YEATS4: variants seen among roughly 807,000 people sequenced by gnomAD.
YEATS4 encodes YEATS domain-containing protein 4.
A neutral mutation model predicts 30.1 loss-of-function variants in YEATS4; 17 were observed. The observed-to-expected ratio is 0.56, with a 90% confidence interval of 0.39 to 0.85. The LOEUF is 0.85. YEATS4 is among the 40% of genes least tolerant of loss of function. YEATS4 has a pLI of 0.00. For missense variants in YEATS4, 142 were observed against 268.3 expected (o/e 0.53, Z 3.29); for synonymous variants, 85 against 87.5 (o/e 0.97, Z 0.16).
Position 69,390,163 on chromosome 12 carries a change from G to GA in YEATS4, c.535dup (p.Thr179AsnfsTer9). Reference sequence around the variant, plus strand: ...TTTCTTTAGTTGCAGAGCTTGAAGTGAAAACCAGAGAAAAATTAGAAGCTG... The same window carrying GA: ...TTTCTTTAGTTGCAGAGCTTGAAGTGAAAAACCAGAGAAAAATTAGAAGCTG... On this transcript the variant is annotated frameshift_variant, in exon 7 of 7. Transcript: ENST00000247843. LOFTEE classifies it high-confidence loss of function. 6.3e-7 allele frequency: 1 copy of GA among 1,584,184 alleles called. No individual in the cohort carries two copies. The highest frequency in any genetic ancestry group is 8.5e-7 in the Non-Finnish European group (1 of 1,172,614).
At chr12:69,413,931 CTT>C in the YEATS4 span, among the ~76,000 whole-genome samples, 1 of 152,018 alleles carries the variant, frequency 6.6e-6, no homozygotes, top group East Asian at 1.9e-4. Flanking sequence ...AAGTCTCCTG[CTT>C]ACATTTCCAT....
chr12:69,369,455 T>C (rs1875561776), intron 4 of YEATS4, among the ~76,000 whole-genome samples: 1 of 152,206 alleles, frequency 6.6e-6, no homozygotes, highest in African/African-American at 2.4e-5. Flanking sequence ...GTAGATATGC[T>C]TTCTTGTCTA....
the YEATS4 span, among the ~76,000 whole-genome samples, chr12:69,424,763 T>C: frequency 1.3e-5 from 2 of 152,146 alleles, no homozygotes; most frequent in Admixed American, 6.5e-5. Flanking sequence ...CCTTCTGCCA[T>C]GATTGTCAGT....
intron 1 of YEATS4, among the ~76,000 whole-genome samples, chr12:69,360,930 G>A (rs1286975623): frequency 6.7e-6 from 1 of 149,368 alleles, no homozygotes. Context: ...GGGCAAGGTG[G>A]CTCACGCCTG....
the YEATS4 span, among the ~76,000 whole-genome samples, chr12:69,426,690 A>G: frequency 6.6e-6 from 1 of 152,232 alleles, no homozygotes; most frequent in African/African-American, 2.4e-5. Context: ...CTTTAAACAT[A>G]GGTAACCAGG....
At chr12:69,398,471 A>G in the YEATS4 span, among the ~76,000 whole-genome samples, 1 of 152,200 alleles carries the variant, frequency 6.6e-6, no homozygotes, top group Admixed American at 6.5e-5. Flanking sequence ...ATCTAAAAAA[A>G]TAAAATACTT....
chr12:69,380,236 C>T (rs1003987061), intron 6 of YEATS4, among the ~76,000 whole-genome samples: 1 of 152,174 alleles, frequency 6.6e-6, no homozygotes, highest in Non-Finnish European at 1.5e-5. Context: ...TGTCCTTGGG[C>T]AGGCTTTCCA....
At chr12:69,419,108 C>G in the YEATS4 span, among the ~76,000 whole-genome samples, 1 of 150,088 alleles carries the variant, frequency 6.7e-6, no homozygotes. Flanking sequence ...AGTGCCCAAT[C>G]CAAATGTCAC....
intron 6 of YEATS4, among the ~76,000 whole-genome samples, chr12:69,383,467 T>C (rs1239286309): frequency 2.0e-5 from 3 of 151,564 alleles, no homozygotes; most frequent in Non-Finnish European, 4.4e-5. Context: ...AGAAAAGAGG[T>C]CCAAAGACTG....
the YEATS4 span, among the ~76,000 whole-genome samples, chr12:69,420,560 G>T: frequency 1.3e-5 from 2 of 152,064 alleles, no homozygotes; most frequent in Non-Finnish European, 2.9e-5. Flanking sequence ...AAATTTGGCA[G>T]CTCTTGACAA....
At chr12:69,366,571 T>C (rs897198763) in intron 4 of YEATS4, among the ~76,000 whole-genome samples, 6 of 152,340 alleles carry the variant, frequency 3.9e-5, no homozygotes, top group Admixed American at 2.0e-4. Context: ...CTAGTATTTT[T>C]TCTTTTGAGT....
downstream of YEATS4, among the ~76,000 whole-genome samples, chr12:69,392,007 A>T (rs1868319899): frequency 6.6e-6 from 1 of 152,172 alleles, no homozygotes; most frequent in African/African-American, 2.4e-5. Flanking sequence ...TGTTGGCTTT[A>T]ATCTTGGTAG....
the YEATS4 span, among the ~76,000 whole-genome samples, chr12:69,403,350 G>A: frequency 1.6e-4 from 24 of 152,224 alleles, no homozygotes; most frequent in African/African-American, 5.3e-4. Context: ...ACCTAGGCAG[G>A]CAGATCACTT....
At chr12:69,367,856 G>C (rs992343966) in intron 4 of YEATS4, among the ~76,000 whole-genome samples, 3 of 152,260 alleles carry the variant, frequency 2.0e-5, no homozygotes, top group African/African-American at 2.4e-5. Context: ...TTTTAACTTT[G>C]TAAGATTGCT....
chr12:69,399,154 A>C, the YEATS4 span, among the ~76,000 whole-genome samples: 2 of 152,148 alleles, frequency 1.3e-5, no homozygotes, highest in Admixed American at 6.5e-5. Context: ...CCCCCCCAAA[A>C]AAACAAACAA....
At chr12:69,363,416 T>C (rs1478456372) in intron 2 of YEATS4, among the ~76,000 whole-genome samples, 1 of 152,202 alleles carries the variant, frequency 6.6e-6, no homozygotes, top group Non-Finnish European at 1.5e-5. Context: ...AAATCAATTT[T>C]CCAAAAATGT....
chr12:69,362,048 C>T (rs1307424410), intron 1 of YEATS4, among the ~76,000 whole-genome samples: 94 of 89,526 alleles, frequency 1.0e-3, no homozygotes, highest in African/African-American at 4.2e-3. Flanking sequence ...GACAGAGGCT[C>T]GCTCTGTTGC....
the YEATS4 span, among the ~76,000 whole-genome samples, chr12:69,402,879 C>T: frequency 4.6e-5 from 7 of 151,788 alleles, no homozygotes; most frequent in African/African-American, 7.3e-5. Flanking sequence ...TGTGCCACCA[C>T]GCCTGGCTAA....
Position 69,363,184 on chromosome 12 carries a change from G to A in YEATS4, c.171+277G>A, listed in dbSNP as rs910431230. ...ATTTTTTGTATTTTTTGGTAGAGACGGGGTTTCACCATGTTAGCCAGGATG... is the reference window on the plus strand; with the variant it reads ...ATTTTTTGTATTTTTTGGTAGAGACAGGGTTTCACCATGTTAGCCAGGATG... On this transcript the variant is annotated intron_variant, in intron 2 of 6. Transcript: ENST00000247843. 9.2e-5 allele frequency among the ~76,000 whole-genome samples: 14 copies of A among 151,522 alleles called. No individual in the cohort carries two copies. The East Asian group carries it at 2.1e-3, about 23-fold the overall frequency.
Sources: gnomAD v4.1 joint callset for allele counts (sites outside exome capture counted in the v4.1 genomes callset) on GRCh38, gnomAD v4.1.1 for gene constraint, MANE v1.5 for transcripts, NCBI Gene and HGNC (gene_info 2026-07-23, HGNC 2026-07-21) for gene names.